Variants in DDR2 observed in about 807,000 individuals in gnomAD.
DDR2 encodes discoidin domain-containing receptor 2.
Under a neutral mutation model 94.9 loss-of-function variants are expected in DDR2, and 27 were observed. The observed-to-expected ratio is 0.28, with a 90% CI of 0.21 to 0.39. The LOEUF (loss-of-function observed/expected upper bound fraction) is 0.39, where lower values mean the gene tolerates loss of function less well. Among genes scored for constraint, DDR2 ranks in the 10% least tolerant of loss-of-function variants. The pLI is 1.00. For synonymous variants in DDR2, 382 were observed against 377.2 expected (o/e 1.01, Z -0.15); for missense variants, 783 against 1,076.0 (o/e 0.73, Z 3.81).
rs77935040 is a variant in DDR2 at position 162,773,812 on chromosome 1, C to T, written c.1856+216C>T. On this transcript the variant is annotated intron_variant, in intron 14 of 17. Transcript: ENST00000367921. ...ACACAAAGGTACATTTTCCATTGTA[C>T]TTGCCACATATTTACTTCCTAACCC... is the stretch of plus-strand genomic sequence containing the variant. Among the ~76,000 whole-genome samples the T allele has an allele frequency of 8.2e-3, 1,248 of 152,290 alleles. 16 individuals carry two copies. Among genetic ancestry groups the T allele is most frequent in the African/African-American group, 0.029 (1,186 of 41,548 alleles).
At chr1:162,658,969 G>A (rs1030169505) in intron 2 of DDR2, among the ~76,000 whole-genome samples, 1 of 152,152 alleles carries the variant, frequency 6.6e-6, no homozygotes, top group African/African-American at 2.4e-5. Context: ...TCAGTAACAT[G>A]AAGAAAGAAC....
chr1:162,750,500 C>T (rs565259217), intron 3 of DDR2, among the ~76,000 whole-genome samples: 1 of 152,130 alleles, frequency 6.6e-6, no homozygotes, highest in South Asian at 2.1e-4. Flanking sequence ...AAAGAGGACA[C>T]AAACAAATGG....
chr1:162,685,046 G>C (rs1659622349), intron 2 of DDR2, among the ~76,000 whole-genome samples: 1 of 152,152 alleles, frequency 6.6e-6, no homozygotes, highest in African/African-American at 2.4e-5. Flanking sequence ...GTGAATTCTG[G>C]AGATAAATTT....
intron 1 of DDR2, among the ~76,000 whole-genome samples, chr1:162,652,319 T>C (rs982550810): frequency 1.3e-5 from 2 of 152,154 alleles, no homozygotes; most frequent in Non-Finnish European, 1.5e-5. Flanking sequence ...TGGGGGCAGA[T>C]TGGAAAGCTG....
intron 2 of DDR2, among the ~76,000 whole-genome samples, chr1:162,672,568 A>G (rs995155799): frequency 3.3e-5 from 5 of 152,198 alleles, no homozygotes; most frequent in Non-Finnish European, 7.3e-5. Context: ...TAAACTAAGT[A>G]TATATATGTA....
At chr1:162,751,978 A>C (rs1272330981) in intron 3 of DDR2, among the ~76,000 whole-genome samples, 1 of 152,120 alleles carries the variant, frequency 6.6e-6, no homozygotes, top group Non-Finnish European at 1.5e-5. Context: ...GGAGAACATC[A>C]CACACTGGGG....
chr1:162,715,909 C>T (rs768358777), intron 2 of DDR2, among the ~76,000 whole-genome samples: 7 of 152,230 alleles, frequency 4.6e-5, no homozygotes, highest in South Asian at 2.1e-4. Flanking sequence ...TTTGGAGATT[C>T]GCAGCTTGAA....
At chr1:162,742,168 T>A (rs1281663102) in intron 3 of DDR2, among the ~76,000 whole-genome samples, 1 of 152,250 alleles carries the variant, frequency 6.6e-6, no homozygotes, top group Non-Finnish European at 1.5e-5. Flanking sequence ...ATTATACTTT[T>A]GATAAGAATA....
At position 162,758,392 on chromosome 1, in the gene DDR2, T is replaced by C. The variant is rs1332574892; in HGVS notation, c.672-1404T>C. Among the ~76,000 whole-genome samples the C allele has an allele frequency of 3.3e-5, 5 of 152,176 alleles. No individual in the cohort carries two copies. The East Asian group carries it at 9.6e-4, about 29-fold the overall frequency. ...ACTGGTGATTTTAATAACTCTAAAG[T>C]ATATAAATATTGAACATTTATTTTC... On this transcript the variant is annotated intron_variant, in intron 7 of 17. Coordinates refer to ENST00000367921, the MANE Select transcript of DDR2 (RefSeq NM_006182.4).
At chr1:162,701,789 T>A (rs1660442938) in intron 2 of DDR2, among the ~76,000 whole-genome samples, 1 of 152,232 alleles carries the variant, frequency 6.6e-6, no homozygotes, top group African/African-American at 2.4e-5. Flanking sequence ...GATGAAAATC[T>A]GCCTCTCTGT....
intron 16 of DDR2, among the ~76,000 whole-genome samples, chr1:162,777,488 T>G (rs1373877857): frequency 1.3e-5 from 2 of 152,088 alleles, no homozygotes; most frequent in African/African-American, 4.8e-5. Flanking sequence ...CCAGTTTACA[T>G]AAATCCTTAT....
At chr1:162,682,977 G>A (rs1457827545) in intron 2 of DDR2, among the ~76,000 whole-genome samples, 1 of 152,094 alleles carries the variant, frequency 6.6e-6, no homozygotes, top group Non-Finnish European at 1.5e-5. Context: ...ATTAATACAT[G>A]TGAAAATCCT....
intron 11 of DDR2, among the ~76,000 whole-genome samples, chr1:162,767,781 A>G (rs1664070417): frequency 7.1e-6 from 1 of 140,692 alleles, no homozygotes; most frequent in African/African-American, 2.6e-5. Context: ...GTTCCTTCTC[A>G]TCTTTTTCAC....
chr1:162,686,545 A>C (rs1431772870), intron 2 of DDR2, among the ~76,000 whole-genome samples: 1 of 152,088 alleles, frequency 6.6e-6, no homozygotes, highest in Non-Finnish European at 1.5e-5. Flanking sequence ...AAGGATATGA[A>C]CTCATTGTTT....
chr1:162,770,154 G>C, intron 11 of DDR2, 148 bp from the exon 12 acceptor site: 1 of 794,026 alleles, frequency 1.3e-6, no homozygotes, highest in Non-Finnish European at 2.2e-6. Context: ...TGTGGAACCA[G>C]ACTGCATTCC....
intron 1 of DDR2, among the ~76,000 whole-genome samples, chr1:162,651,182 A>G (rs1045104501): frequency 6.6e-6 from 1 of 152,126 alleles, no homozygotes; most frequent in Non-Finnish European, 1.5e-5. Flanking sequence ...TGAGCCTGCC[A>G]TCCCACTCTC....
At chr1:162,750,558 G>T (rs1663136075) in intron 3 of DDR2, among the ~76,000 whole-genome samples, 1 of 152,154 alleles carries the variant, frequency 6.6e-6, no homozygotes. Context: ...TCGTGGAAAT[G>T]GCCATACTGC....
At chr1:162,689,915 C>T (rs1207607995) in intron 2 of DDR2, among the ~76,000 whole-genome samples, 2 of 143,410 alleles carry the variant, frequency 1.4e-5, no homozygotes, top group East Asian at 4.2e-4. Context: ...GCTTGGGAGG[C>T]TGAGTTGGGA....
intron 2 of DDR2, among the ~76,000 whole-genome samples, chr1:162,685,416 C>A (rs757678591): frequency 6.6e-6 from 1 of 152,124 alleles, no homozygotes; most frequent in African/African-American, 2.4e-5. Context: ...CACTGAAATA[C>A]AAATATGTTC....
Sources: allele counts gnomAD v4.1 joint callset (sites outside exome capture counted in the v4.1 genomes callset), GRCh38; gene constraint gnomAD v4.1.1; transcripts MANE v1.5; gene names NCBI Gene and HGNC (gene_info 2026-07-23, HGNC 2026-07-21).